KLHL1: variants seen among roughly 807,000 people sequenced by gnomAD.
KLHL1 encodes kelch-like protein 1.
In KLHL1, 47 loss-of-function variants were observed where a neutral mutation model predicts 77.7. That is an observed-to-expected ratio of 0.60 (90% CI 0.48 to 0.77). The LOEUF (loss-of-function observed/expected upper bound fraction) is 0.77. Among genes scored for constraint, KLHL1 ranks in the 30% least tolerant of loss-of-function variants. The pLI is 0.00. For missense variants in KLHL1, 925 were observed against 910.8 expected, an observed-to-expected ratio of 1.02 and a Z score of -0.20; for synonymous variants, 360 against 325.2, an observed-to-expected ratio of 1.11 and a Z score of -1.15.
intron 7 of KLHL1, among the ~76,000 whole-genome samples, chr13:69,763,353 T>G (rs932244187): frequency 6.6e-6 from 1 of 152,168 alleles, no homozygotes; most frequent in Non-Finnish European, 1.5e-5. Context: ...CTTTGATCTA[T>G]TTTAATTAGT....
intron 1 of KLHL1, among the ~76,000 whole-genome samples, chr13:70,046,316 C>CATACTTCCTCTGGAAGGTAAGG (rs1886494806): frequency 6.6e-6 from 1 of 152,184 alleles, no homozygotes; most frequent in Admixed American, 6.6e-5. Context: ...TTTTAATCCT[C>CATACTTCCTCTGGAAGGTAAGG]ATACTTCCTC....
intron 6 of KLHL1, among the ~76,000 whole-genome samples, chr13:69,825,254 T>G (rs1393192082): frequency 6.6e-6 from 1 of 151,894 alleles, no homozygotes; most frequent in Non-Finnish European, 1.5e-5. Context: ...TAAAGCAGGG[T>G]GAGATAAGCA....
chr13:69,885,041 C>T (rs1254353564), intron 4 of KLHL1, among the ~76,000 whole-genome samples: 3 of 134,740 alleles, frequency 2.2e-5, no homozygotes, highest in African/African-American at 3.3e-5. Context: ...CCCGGGTTCA[C>T]GCCATTCGCC....
rs546073579 is a variant in KLHL1, at chr13:69,916,579, G to A, written c.1014+23461C>T. On this transcript the variant is annotated intron_variant, in intron 4 of 10. Coordinates refer to ENST00000377844, the MANE Select transcript of KLHL1 (RefSeq NM_020866.3). ...CAGAGGAAGGGGAACATCACATACC[G>A]GGGCCTGTTGTGGAGTGGGGGGAAG... Among the ~76,000 whole-genome samples the A allele has an allele frequency of 9.9e-5, 15 of 151,918 alleles. No individual in the cohort carries two copies. The East Asian group carries it at 1.2e-3, about 12-fold the overall frequency.
At chr13:69,764,835 C>A (rs1875195612) in intron 7 of KLHL1, among the ~76,000 whole-genome samples, 1 of 151,058 alleles carries the variant, frequency 6.6e-6, no homozygotes, top group Non-Finnish European at 1.5e-5. Flanking sequence ...AAACCTATAC[C>A]CTAGAGGGTG....
chr13:69,922,952 C>T (rs766346904), intron 4 of KLHL1, among the ~76,000 whole-genome samples: 1 of 151,992 alleles, frequency 6.6e-6, no homozygotes, highest in Non-Finnish European at 1.5e-5. Context: ...ATAAATAATA[C>T]ATAAAGATGA....
chr13:69,972,008 A>T (rs1290432447), intron 2 of KLHL1, among the ~76,000 whole-genome samples: 2 of 151,956 alleles, frequency 1.3e-5, no homozygotes, highest in East Asian at 3.9e-4. Context: ...TTTTTTTCTG[A>T]AGTTGCTACA....
At chr13:70,003,818 C>A (rs939330108) in intron 1 of KLHL1, among the ~76,000 whole-genome samples, 1 of 151,260 alleles carries the variant, frequency 6.6e-6, no homozygotes, top group African/African-American at 2.4e-5. Context: ...ATTAAGTAGA[C>A]GAGATTGTAG....
chr13:69,871,857 C>A (rs1458835984), intron 5 of KLHL1, among the ~76,000 whole-genome samples: 2 of 151,782 alleles, frequency 1.3e-5, no homozygotes, highest in Admixed American at 6.6e-5. Context: ...ATATTGGTCA[C>A]AATCACTTGA....
intron 4 of KLHL1, among the ~76,000 whole-genome samples, chr13:69,920,775 A>G (rs1831758504): frequency 6.6e-6 from 1 of 152,106 alleles, no homozygotes; most frequent in Admixed American, 6.6e-5. Flanking sequence ...AAGAAAAATA[A>G]GAGAAGGTCA....
At chr13:70,051,394 A>G (rs1340811473) in intron 1 of KLHL1, among the ~76,000 whole-genome samples, 1 of 152,008 alleles carries the variant, frequency 6.6e-6, no homozygotes, top group Non-Finnish European at 1.5e-5. Flanking sequence ...TTTACATGCA[A>G]TGACAGAAAA....
At chr13:69,851,159 T>G (rs1273110636) in intron 5 of KLHL1, among the ~76,000 whole-genome samples, 2 of 140,982 alleles carry the variant, frequency 1.4e-5, no homozygotes, top group South Asian at 2.3e-4. Flanking sequence ...AGTACTGTGT[T>G]TACTTAAATT....
chr13:69,776,777 C>A (rs1044406339), intron 7 of KLHL1, among the ~76,000 whole-genome samples: 1 of 152,140 alleles, frequency 6.6e-6, no homozygotes. Context: ...ATCAGAATAA[C>A]AGAAATTGAG....
intron 6 of KLHL1, among the ~76,000 whole-genome samples, chr13:69,798,170 G>C (rs949890503): frequency 6.6e-6 from 1 of 152,130 alleles, no homozygotes; most frequent in South Asian, 2.1e-4. Flanking sequence ...CTTCACCAAT[G>C]TTATACCTTC....
intron 6 of KLHL1, among the ~76,000 whole-genome samples, chr13:69,805,896 A>C (rs1020411253): frequency 6.6e-6 from 1 of 151,904 alleles, no homozygotes; most frequent in African/African-American, 2.4e-5. Flanking sequence ...TTAACTGTAC[A>C]ATACTAGGAA....
chr13:69,919,648 A>T (rs1033327308), intron 4 of KLHL1, among the ~76,000 whole-genome samples: 1 of 152,042 alleles, frequency 6.6e-6, no homozygotes, highest in African/African-American at 2.4e-5. Context: ...TAGGGTTCTG[A>T]GATTTCAACC....
intron 2 of KLHL1, among the ~76,000 whole-genome samples, chr13:69,971,925 A>G (rs184492719): frequency 3.2e-4 from 49 of 152,178 alleles, no homozygotes; most frequent in Non-Finnish European, 5.0e-4. Flanking sequence ...ACAATCTACT[A>G]TAGACATAAG....
At chr13:70,025,205 T>C (rs1885910509) in intron 1 of KLHL1, among the ~76,000 whole-genome samples, 1 of 152,026 alleles carries the variant, frequency 6.6e-6, no homozygotes, top group Non-Finnish European at 1.5e-5. Context: ...CAGAATTGTA[T>C]ACAGTGGTAA....
At chr13:69,890,393 CTTAAT>C (rs1171629818) in intron 4 of KLHL1, among the ~76,000 whole-genome samples, 1 of 151,972 alleles carries the variant, frequency 6.6e-6, no homozygotes, top group Admixed American at 6.6e-5. Context: ...TTTGAAATCA[CTTAAT>C]TTAATTTACA....
Sources: gnomAD v4.1 joint callset for allele counts (sites outside exome capture counted in the v4.1 genomes callset) on GRCh38, gnomAD v4.1.1 for gene constraint, MANE v1.5 for transcripts, NCBI Gene and HGNC (gene_info 2026-07-23, HGNC 2026-07-21) for gene names.